PCBP3: variants seen among roughly 807,000 people sequenced by gnomAD.
PCBP3 encodes the protein poly(rC) binding protein 3.
PCBP3 carries 25 observed loss-of-function variants against 52.7 expected under a neutral mutation model. That is an observed-to-expected ratio of 0.47 (90% CI 0.35 to 0.66). PCBP3 has a LOEUF of 0.66. Ranked by LOEUF, PCBP3 falls within the 30% of genes least tolerant of loss-of-function variation. The pLI is 0.01. For missense variants in PCBP3, 391 were observed against 490.3 expected (o/e 0.80, Z 1.91); for synonymous variants, 162 against 183.0 (o/e 0.89, Z 0.93).
chr21:45,794,607 A>G (rs1324930703), intron 4 of PCBP3, among the ~76,000 whole-genome samples: 1 of 152,244 alleles, frequency 6.6e-6, no homozygotes, highest in African/African-American at 2.4e-5. Flanking sequence ...AGATTTCTCT[A>G]TTAAAAGGCA....
rs539062687 is a variant in PCBP3 at position 45,821,382 on chromosome 21, C to A, written c.-125-28579C>A. 2.2e-4 allele frequency among the ~76,000 whole-genome samples: 33 copies of A among 151,676 alleles called. No individual in the cohort carries two copies. Among genetic ancestry groups the A allele is most frequent in the African/African-American group, 8.0e-4 (33 of 41,358 alleles). ...GTACCCCCCTGCACCACGCTGTGGGCCCCGCACCCTCCCCCAACTCTTTTC... is the reference window on the plus strand; with the variant it reads ...GTACCCCCCTGCACCACGCTGTGGGACCCGCACCCTCCCCCAACTCTTTTC... On this transcript the variant is annotated intron_variant, in intron 4 of 17. Transcript: ENST00000681687. The surrounding 1 kb of genome is among the most constrained non-coding windows in gnomAD (Gnocchi z 4.4).
In PCBP3 at chr21:45,735,716, C is replaced by T. The variant is rs933560045; in HGVS notation, c.-162+287C>T. 3.9e-4 allele frequency among the ~76,000 whole-genome samples: 59 copies of T among 152,232 alleles called. No homozygotes were observed. Among genetic ancestry groups the T allele is most frequent in the Admixed American group, 2.4e-3 (36 of 15,286 alleles). ...TAACCTTTCTCCACAGTTAACCTGA[C>T]CATGTAGACCAGCAGGAGCTGGAGG... On this transcript the variant is annotated intron_variant, in intron 3 of 17. Coordinates refer to ENST00000681687, the MANE Select transcript of PCBP3 (RefSeq NM_001384156.1). The surrounding 1 kb of genome is among the most constrained non-coding windows in gnomAD (Gnocchi z 4.0).
intron 3 of PCBP3, among the ~76,000 whole-genome samples, chr21:45,745,274 C>T (rs1009552967): frequency 4.6e-5 from 7 of 152,122 alleles, no homozygotes; most frequent in South Asian, 4.2e-4. Flanking sequence ...CAGAGAGCCA[C>T]GTGCCAAGAG....
intron 4 of PCBP3, among the ~76,000 whole-genome samples, chr21:45,780,807 A>C (rs377093174): frequency 2.6e-5 from 4 of 152,182 alleles, no homozygotes; most frequent in East Asian, 1.9e-4. Context: ...AGAGAGAGAG[A>C]GCCAGGGACC....
Position 45,837,839 on chromosome 21 carries a change from C to T in PCBP3, c.-125-12122C>T, listed in dbSNP as rs1249765746. Among the ~76,000 whole-genome samples, 1 of 152,242 alleles carries T rather than the reference C, an allele frequency of 6.6e-6. No homozygotes were observed. The highest frequency in any genetic ancestry group is 1.5e-5 in the Non-Finnish European group (1 of 68,040). ...AGGGGGTCAGCCTGATCCGCCACTGCTGGGTTCCCCACCAGCCTTGCAGCT... is the reference window on the plus strand; with the variant it reads ...AGGGGGTCAGCCTGATCCGCCACTGTTGGGTTCCCCACCAGCCTTGCAGCT... On this transcript the variant is annotated intron_variant, in intron 4 of 17. Coordinates refer to ENST00000681687, the MANE Select transcript of PCBP3 (RefSeq NM_001384156.1). The surrounding 1 kb of genome is among the most constrained non-coding windows in gnomAD (Gnocchi z 4.1).
chr21:45,824,033 G>T (rs1810871), intron 4 of PCBP3, among the ~76,000 whole-genome samples: 4 of 152,104 alleles, frequency 2.6e-5, no homozygotes, highest in Non-Finnish European at 5.9e-5. Flanking sequence ...TGAGCCACTA[G>T]GCTCGGCCTG....
intron 1 of PCBP3, among the ~76,000 whole-genome samples, chr21:45,664,774 C>G (rs1187330876): frequency 3.7e-5 from 5 of 136,422 alleles, no homozygotes; most frequent in African/African-American, 1.1e-4. Flanking sequence ...CCCTCCCCCC[C>G]ACCCCACCAC....
At chr21:45,823,205 G>C (rs2093198129) in intron 4 of PCBP3, among the ~76,000 whole-genome samples, 2 of 152,240 alleles carry the variant, frequency 1.3e-5, no homozygotes, top group South Asian at 4.1e-4. Context: ...GACCTCTGCA[G>C]TCCCCATGAC....
chr21:45,886,294 T>C (rs62211928), intron 5 of PCBP3, among the ~76,000 whole-genome samples: 738 of 7,980 alleles, frequency 0.092, 147 homozygotes, highest in East Asian at 0.24. Context: ...GGGCAGAGGA[T>C]GTGGTGAGGT....
At chr21:45,761,076 CAA>C (rs774039072) in intron 4 of PCBP3, 11 of 129,048 alleles carry the variant, frequency 8.5e-5, no homozygotes, top group Non-Finnish European at 1.3e-4. Context: ...GACTCCATCT[CAA>C]AAAAAAAAAA....
chr21:45,908,035 ATGC>A (rs911833688), intron 9 of PCBP3, among the ~76,000 whole-genome samples: 3 of 152,208 alleles, frequency 2.0e-5, no homozygotes, highest in African/African-American at 7.2e-5. Flanking sequence ...CAATCAAAAA[ATGC>A]TGCCCATTGG....
chr21:45,868,140 G>C (rs760566811), intron 5 of PCBP3, among the ~76,000 whole-genome samples: 2 of 152,268 alleles, frequency 1.3e-5, no homozygotes, highest in Admixed American at 6.5e-5. Context: ...CTGCCTGTCG[G>C]TTATGCCTGG....
In PCBP3 at chr21:45,853,864, G is replaced by C. The variant is rs1420509703; in HGVS notation, c.10+3769G>C. The C allele has an allele frequency of 1.3e-5, 2 of 152,312 alleles. No individual in the cohort carries two copies. Among genetic ancestry groups the C allele is most frequent in the Non-Finnish European group, 2.9e-5 (2 of 68,120 alleles). The allele number at this position is 152,312 out of a possible 1,614,324, so 9.4% of individuals were successfully genotyped here. On this transcript the variant is annotated intron_variant, in intron 5 of 17. Coordinates refer to ENST00000681687, the MANE Select transcript of PCBP3 (RefSeq NM_001384156.1). The surrounding 1 kb of genome is among the most constrained non-coding windows in gnomAD (Gnocchi z 4.6). ...CGTGGTGGCAGTGGCAGGTGGTGGT[G>C]ATAAGGGCCGGTGAGAATAAAAAGG... is the stretch of plus-strand genomic sequence containing the variant.
intron 5 of PCBP3, 139 bp from the exon 6 acceptor site, chr21:45,896,069 G>A: frequency 2.7e-6 from 2 of 739,910 alleles, no homozygotes; most frequent in Non-Finnish European, 4.5e-6. Flanking sequence ...AGCAGGCGAG[G>A]CCTGGTCAGC....
intron 5 of PCBP3, among the ~76,000 whole-genome samples, chr21:45,868,655 G>A (rs1240934195): frequency 6.6e-6 from 1 of 152,174 alleles, no homozygotes; most frequent in Non-Finnish European, 1.5e-5. Context: ...CTGTCCCTGG[G>A]CCCGCCTCCT....
chr21:45,815,487 G>A (rs1253486364), intron 4 of PCBP3, among the ~76,000 whole-genome samples: 1 of 107,908 alleles, frequency 9.3e-6, no homozygotes, highest in African/African-American at 3.7e-5. Context: ...ATGGGTGAGT[G>A]GTGAGTGATG....
chr21:45,802,137 G>C lies in PCBP3; in HGVS notation c.-126+46685G>C, dbSNP rs1366393489. 6.6e-6 allele frequency among the ~76,000 whole-genome samples: 1 copy of C among 152,198 alleles called. No homozygotes were observed. The highest frequency in any genetic ancestry group is 1.5e-5 in the Non-Finnish European group (1 of 68,040). Reference sequence around the variant, plus strand: ...TCAGACCCCTTGGATGCCATCCTGGGCAGAGGCCTTGGCCCAGTGCAAGCT... The same window carrying C: ...TCAGACCCCTTGGATGCCATCCTGGCCAGAGGCCTTGGCCCAGTGCAAGCT... On this transcript the variant is annotated intron_variant, in intron 4 of 17. Coordinates refer to ENST00000681687, the MANE Select transcript of PCBP3 (RefSeq NM_001384156.1). This position sits in a 1 kb window ranked among gnomAD's most constrained non-coding sequence, Gnocchi z 5.1.
intron 2 of PCBP3, among the ~76,000 whole-genome samples, chr21:45,675,197 T>G (rs2081391826): frequency 6.6e-6 from 1 of 152,126 alleles, no homozygotes; most frequent in Non-Finnish European, 1.5e-5. Flanking sequence ...AAAGTGAGTA[T>G]GTGGGGGCAG....
At chr21:45,935,534 TA>T in intron 16 of PCBP3, 1 of 660,166 alleles carries the variant, frequency 1.5e-6, no homozygotes, top group South Asian at 1.5e-5. Flanking sequence ...AGCAACAGGC[TA>T]AAGGGGACTT....
Sources: gnomAD v4.1 joint callset for allele counts (sites outside exome capture counted in the v4.1 genomes callset) on GRCh38, gnomAD v4.1.1 for gene constraint, Gnocchi (gnomAD v3.1) non-coding constraint, MANE v1.5 for transcripts, NCBI Gene and HGNC (gene_info 2026-07-23, HGNC 2026-07-21) for gene names.